The following SDK1 variants were observed in gnomAD, a reference collection of about 807,000 sequenced individuals.
The protein encoded by SDK1 is protein sidekick-1.
Under a neutral mutation model 245.5 loss-of-function variants are expected in SDK1, and 157 were observed. The ratio of observed to expected loss-of-function variants is 0.64; its 90% CI spans 0.56 to 0.73. The LOEUF (loss-of-function observed/expected upper bound fraction) is 0.73. Ranked by LOEUF, SDK1 falls within the 30% of genes least tolerant of loss-of-function variation. The pLI, the probability that SDK1 is intolerant of heterozygous loss-of-function variation, is 0.00. For synonymous variants in SDK1, 1,647 were observed against 1,278.5 expected (o/e 1.29, Z -6.15); for missense variants, 3,583 against 3,002.3 (o/e 1.19, Z -4.52).
At chr7:4,247,496 C>T (rs1442907282) in intron 44 of SDK1, among the ~76,000 whole-genome samples, 1 of 152,240 alleles carries the variant, frequency 6.6e-6, no homozygotes, top group East Asian at 1.9e-4. Context: ...CAGAAGCTCG[C>T]TGCATGTACG....
chr7:4,059,541 G>T (rs1189015754), intron 19 of SDK1, among the ~76,000 whole-genome samples: 1 of 152,174 alleles, frequency 6.6e-6, no homozygotes, highest in Non-Finnish European at 1.5e-5. Context: ...CATCTTGACA[G>T]AAAAATAACA....
intron 32 of SDK1, among the ~76,000 whole-genome samples, chr7:4,165,772 G>A (rs1235122541): frequency 6.6e-6 from 1 of 152,018 alleles, no homozygotes; most frequent in Non-Finnish European, 1.5e-5. Context: ...TTACAGGAAT[G>A]AGCCACCATG....
intron 4 of SDK1, among the ~76,000 whole-genome samples, chr7:3,731,027 C>T (rs969063986): frequency 6.6e-6 from 1 of 152,162 alleles, no homozygotes; most frequent in Non-Finnish European, 1.5e-5. Flanking sequence ...TTAGCTGTTG[C>T]TGTGTAACAA....
At chr7:4,204,831 C>T (rs1784104342) in intron 35 of SDK1, among the ~76,000 whole-genome samples, 1 of 152,174 alleles carries the variant, frequency 6.6e-6, no homozygotes, top group Non-Finnish European at 1.5e-5. Context: ...GAGGGAGTAG[C>T]AGAGAATAGG....
intron 22 of SDK1, among the ~76,000 whole-genome samples, chr7:4,102,779 G>C (rs1434046497): frequency 6.6e-6 from 1 of 152,100 alleles, no homozygotes; most frequent in African/African-American, 2.4e-5. Context: ...CCAGACCTGG[G>C]AGTGGGCAAG....
chr7:3,407,104 T>A (rs1583812661), intron 1 of SDK1, among the ~76,000 whole-genome samples: 1 of 152,114 alleles, frequency 6.6e-6, no homozygotes, highest in Non-Finnish European at 1.5e-5. Context: ...AACAAACAAA[T>A]AACAGAGACA....
intron 4 of SDK1, chr7:3,642,952 C>G (rs1249545144): frequency 6.6e-6 from 1 of 152,218 alleles, no homozygotes; most frequent in Non-Finnish European, 1.5e-5. Context: ...TATTGTTGTG[C>G]TTTTTCAAAA....
intron 1 of SDK1, among the ~76,000 whole-genome samples, chr7:3,560,283 A>T (rs573474065): frequency 6.6e-6 from 1 of 152,260 alleles, no homozygotes; most frequent in African/African-American, 2.4e-5. Flanking sequence ...CATTTTATTG[A>T]TGTACTGTCT....
chr7:3,714,693 A>G (rs369050682), intron 4 of SDK1, among the ~76,000 whole-genome samples: 3 of 152,202 alleles, frequency 2.0e-5, no homozygotes, highest in African/African-American at 7.2e-5. Context: ...ATTTCAAGAC[A>G]CTTATTTTCT....
At chr7:3,340,408 C>G (rs569904287) in intron 1 of SDK1, among the ~76,000 whole-genome samples, 1 of 152,262 alleles carries the variant, frequency 6.6e-6, no homozygotes, top group East Asian at 1.9e-4. Context: ...AAAAATGGTG[C>G]TGATAGACTT....
intron 1 of SDK1, among the ~76,000 whole-genome samples, chr7:3,551,383 A>G (rs1779405136): frequency 6.6e-6 from 1 of 152,190 alleles, no homozygotes; most frequent in Admixed American, 6.5e-5. Context: ...ATCCTGGTAA[A>G]GTTTTCATAT....
At chr7:3,430,932 G>T (rs111969994) in intron 1 of SDK1, among the ~76,000 whole-genome samples, 2 of 152,102 alleles carry the variant, frequency 1.3e-5, no homozygotes, top group African/African-American at 2.4e-5. Flanking sequence ...ATGGAATCTC[G>T]CTCTGTTGCT....
chr7:3,685,924 G>T lies in SDK1; in HGVS notation c.713+43819G>T, dbSNP rs547257407. Among the ~76,000 whole-genome samples the T allele has an allele frequency of 5.9e-5, 9 of 152,022 alleles. No individual in the cohort carries two copies. In the South Asian group the frequency reaches 1.9e-3, roughly 32 times the overall value. Reference sequence around the variant, plus strand: ...ATCAATAATTATGTTAAATGTAACAGATCTAAATATACCAATTAAAATACC... The same window carrying T: ...ATCAATAATTATGTTAAATGTAACATATCTAAATATACCAATTAAAATACC... On this transcript the variant is annotated intron_variant, in intron 4 of 44. Transcript: ENST00000404826.
At chr7:3,734,329 C>T (rs1333778260) in intron 4 of SDK1, among the ~76,000 whole-genome samples, 2 of 152,186 alleles carry the variant, frequency 1.3e-5, no homozygotes, top group African/African-American at 2.4e-5. Flanking sequence ...ATGAAATCCA[C>T]ATGGACATAC....
At chr7:3,339,628 AAAT>A (rs1286609082) in intron 1 of SDK1, among the ~76,000 whole-genome samples, 3 of 148,556 alleles carry the variant, frequency 2.0e-5, no homozygotes, top group African/African-American at 5.0e-5. Context: ...GAAAATTTCT[AAAT>A]AACACATTTA....
chr7:4,174,181 G>A, intron 32 of SDK1, 41 bp from the exon 33 acceptor site: 1 of 1,609,178 alleles, frequency 6.2e-7, no homozygotes. Context: ...CAGCTGGGTT[G>A]ACTCCCATGG....
At chr7:4,160,571 G>A (rs1396976629) in intron 31 of SDK1, among the ~76,000 whole-genome samples, 4 of 152,216 alleles carry the variant, frequency 2.6e-5, no homozygotes, top group African/African-American at 7.2e-5. Context: ...CTCTCCAGGG[G>A]TTGGGGAACC....
chr7:3,754,304 T>A (rs1779856901), intron 4 of SDK1, among the ~76,000 whole-genome samples: 1 of 152,240 alleles, frequency 6.6e-6, no homozygotes, highest in Non-Finnish European at 1.5e-5. Flanking sequence ...CAAATTTTGC[T>A]TGGTATTGTT....
At position 3,837,264 on chromosome 7, in the gene SDK1, C is replaced by T. The variant is rs923622919; in HGVS notation, c.847+15681C>T. Among the ~76,000 whole-genome samples, 8 of 152,180 alleles carry T rather than the reference C, an allele frequency of 5.3e-5. No homozygotes were observed. The East Asian group carries it at 1.3e-3, about 26-fold the overall frequency. The stretch of plus-strand genomic sequence containing the variant: ...ACTAGACATTTGTGGCCTGGATTTG[C>T]TCCTTGTGTTTTATTTAGCCCACAC... On this transcript the variant is annotated intron_variant, in intron 5 of 44. Transcript: ENST00000404826.
Sources: allele counts gnomAD v4.1 joint callset (sites outside exome capture counted in the v4.1 genomes callset), GRCh38; gene constraint gnomAD v4.1.1; transcripts MANE v1.5; gene names NCBI Gene and HGNC (gene_info 2026-07-23, HGNC 2026-07-21).